Variants in MYG1 observed in about 807,000 individuals in gnomAD.
MYG1 encodes UPF0160 protein MYG1, mitochondrial.
MYG1 carries 36 observed loss-of-function variants against 43.5 expected under a neutral mutation model. That is an observed-to-expected ratio of 0.83 (90% CI 0.63 to 1.09). MYG1 has a LOEUF of 1.09. MYG1 is among the 50% of genes least tolerant of loss of function. The pLI, the probability that MYG1 is intolerant of heterozygous loss-of-function variation, is 0.00. For missense variants in MYG1, 529 were observed against 495.1 expected, an observed-to-expected ratio of 1.07 and a Z score of -0.65; for synonymous variants, 220 against 202.8, an observed-to-expected ratio of 1.08 and a Z score of -0.72.
chr12:53,299,812 G>T lies in MYG1; in HGVS notation c.75G>T (p.Met25Ile), dbSNP rs1440104600. 1 of 1,614,144 alleles carries T rather than the reference G, an allele frequency of 6.2e-7. No homozygotes were observed. Among genetic ancestry groups the T allele is most frequent in the Non-Finnish European group, 8.5e-7 (1 of 1,180,006 alleles). The change falls in exon 1 of 7, where the codon ATG becomes ATT. Residue 25 changes from methionine to isoleucine, a missense_variant. Met to Ile is a conservative substitution (Grantham distance 10). Transcript: ENST00000267103. ...CACCCCTGTATACCCGGCACCGCAT[G>T]CTCGGTCCAGAGTCCGTCCCGCCCC... ...PPPPLYTRHRMLGPESVPPPK... is the reference protein window; with the variant it reads ...PPPPLYTRHRILGPESVPPPK...
chr12:53,302,474 TCTC>T (rs1359200549), intron 2 of MYG1, among the ~76,000 whole-genome samples: 5 of 152,200 alleles, frequency 3.3e-5, no homozygotes, highest in South Asian at 2.1e-4. Flanking sequence ...TTGCAGGTAA[TCTC>T]CTTGCATCTG....
At chr12:53,299,985 C>A (rs1309644363) in intron 1 of MYG1, 32 bp downstream of exon 1, 2 of 1,611,078 alleles carry the variant, frequency 1.2e-6, no homozygotes, top group African/African-American at 1.3e-5. Flanking sequence ...CCTGGGACTG[C>A]GTGCATGCAT....
rs1361957225 is a variant in MYG1 at position 53,305,118 on chromosome 12, TC to T, written c.490-789del. On this transcript the variant is annotated intron_variant, in intron 3 of 6. Transcript: ENST00000267103. ...CTCCTGACCTCGTGATCCGCCCGCC[TC>T]GGCCTCCCAAAGTGCTGGGATTACA... Among the ~76,000 whole-genome samples, 15 of 129,736 alleles carry T rather than the reference TC, an allele frequency of 1.2e-4. No individual in the cohort carries two copies. In the South Asian group the frequency reaches 1.3e-3, roughly 11 times the overall value. 85.1% of individuals were successfully genotyped at this position (129,736 alleles called of 152,430 possible). A position where few individuals can be genotyped will look rare whatever the true frequency, so the allele number is the denominator to read the frequency against.
chr12:53,303,572 G>A (rs78188704), intron 3 of MYG1: 1 of 181,102 alleles, frequency 5.5e-6, no homozygotes. Flanking sequence ...TGAAGGTTGA[G>A]GGGAGTGTAT....
chr12:53,306,107 TG>T (rs761747121), intron 4 of MYG1, 47 bp downstream of exon 4: 3 of 1,607,594 alleles, frequency 1.9e-6, no homozygotes, highest in South Asian at 2.2e-5. Flanking sequence ...GAACCTTGGG[TG>T]GGGGGAAAAT....
At chr12:53,306,556 C>T in intron 5 of MYG1, 124 bp from the exon 6 acceptor site, 1 of 1,155,396 alleles carries the variant, frequency 8.7e-7, no homozygotes, top group South Asian at 1.5e-5. Flanking sequence ...GTTGCCTAGG[C>T]TAGTCTCAAA....
At chr12:53,306,151 T>C (rs555818135) in intron 4 of MYG1, 47 bp from the exon 5 acceptor site, 1 of 1,613,060 alleles carries the variant, frequency 6.2e-7, no homozygotes, top group East Asian at 2.2e-5. Flanking sequence ...CCCTAGCAAA[T>C]TCCAAGTTTG....
chr12:53,300,091 A>C (rs1944214200), intron 1 of MYG1, 59 bp from the exon 2 acceptor site: 8 of 1,532,056 alleles, frequency 5.2e-6, no homozygotes, highest in Non-Finnish European at 7.1e-6. Context: ...CCTGAAGTCC[A>C]GCATTAATCC....
At position 53,299,748 on chromosome 12, in the gene MYG1, A is replaced by C; in HGVS notation, c.11A>C (p.Gln4Pro). The C allele has an allele frequency of 6.2e-7, 1 of 1,613,032 alleles. No individual in the cohort carries two copies. The highest frequency in any genetic ancestry group is 8.5e-7 in the Non-Finnish European group (1 of 1,179,708). MGH[Q>P]FLRGLLTLLL... is the part of the protein sequence containing the mutation. Reference sequence around the variant, plus strand: ...TGCAGGGAGCTGCTTATGGGACACCAATTCCTGCGCGGCCTCTTAACGCTG... The same window carrying C: ...TGCAGGGAGCTGCTTATGGGACACCCATTCCTGCGCGGCCTCTTAACGCTG... Residue 4 changes from glutamine to proline, a missense_variant, in exon 1 of 7, where the codon CAA becomes CCA. By Grantham distance (76) the Gln-to-Pro change is moderately conservative. Coordinates refer to ENST00000267103, the MANE Select transcript of MYG1 (RefSeq NM_021640.4).
chr12:53,300,664 ACACCCTTCCAAAGGGAAATCCT>A (rs1457076717), intron 2 of MYG1, among the ~76,000 whole-genome samples: 1 of 152,152 alleles, frequency 6.6e-6, no homozygotes, highest in Non-Finnish European at 1.5e-5. Context: ...TACTTCATTT[ACACCCTTCCAAAGGGAAATCCT>A]TCTTGCTCAA....
At position 53,299,730 on chromosome 12, in the gene MYG1, A is replaced by G; in HGVS notation, c.-8A>G. The G allele has an allele frequency of 1.2e-6, 2 of 1,609,302 alleles. No homozygotes were observed. Among genetic ancestry groups the G allele is most frequent in the Admixed American group, 1.7e-5 (1 of 59,548 alleles). ...TCGGCGCTCCTGCCTCCCTGCAGGG[A>G]GCTGCTTATGGGACACCAATTCCTG... On this transcript the variant is annotated 5_prime_UTR_variant, in exon 1 of 7. Coordinates refer to ENST00000267103, the MANE Select transcript of MYG1 (RefSeq NM_021640.4).
chr12:53,305,905 T>C lies in MYG1; in HGVS notation c.490-3T>C, dbSNP rs897428002. The C allele has an allele frequency of 2.5e-6, 4 of 1,594,064 alleles. No individual in the cohort carries two copies. The highest frequency in any genetic ancestry group is 3.4e-6 in the Non-Finnish European group (4 of 1,171,988). ...AAGAAGGTTTCCCCTGCTGCTGCCT[T>C]AGATGTATGAGAACTTTGTGGAGGA... On this transcript the variant is annotated splice_region_variant and splice_polypyrimidine_tract_variant and intron_variant, in intron 3 of 6. Transcript: ENST00000267103.
At chr12:53,305,443 G>A (rs995813327) in intron 3 of MYG1, among the ~76,000 whole-genome samples, 1 of 152,088 alleles carries the variant, frequency 6.6e-6, no homozygotes, top group African/African-American at 2.4e-5. Context: ...ACCAGCTTTT[G>A]GTGTCTAGTC....
In MYG1 at chr12:53,307,148, A is replaced by T. The variant is rs759360910; in HGVS notation, c.1130A>T (p.Ter377LeuextTer?). Residue 377 changes from the stop codon to leucine, a stop_lost, in exon 7 of 7, where the codon TAG (stop) becomes TTG (leucine). Transcript: ENST00000267103. ...CGCTCATACCTCCCACAAATCTCCT[A>T]GTCTAATAAAACCTTCCATCTCATA... ...AQRSYLPQIS* is the reference protein window; with the variant it reads ...AQRSYLPQISL The T allele has an allele frequency of 6.2e-7, 1 of 1,606,116 alleles. No individual in the cohort carries two copies. Among genetic ancestry groups the T allele is most frequent in the African/African-American group, 1.3e-5 (1 of 74,884 alleles).
In MYG1 at chr12:53,300,207, G is replaced by T. The variant is rs763330361; in HGVS notation, c.274G>T (p.Val92Leu). The T allele has an allele frequency of 6.2e-7, 1 of 1,606,458 alleles. No individual in the cohort carries two copies. Residue 92 changes from valine (V) to leucine (L), a missense_variant, in exon 2 of 7, where the codon GTG becomes TTG. Val to Leu is a conservative substitution (Grantham distance 32, BLOSUM62 1). Transcript: ENST00000267103. ...PEKLASCDIV[V>L]DVGGEYDPRR... is the part of the protein sequence containing the mutation. ...AAAACTCGCTTCCTGTGACATCGTG[G>T]TGGACGTGGGGGGCGAGTACGACCC...
Position 53,306,534 on chromosome 12 carries a change from G to A in MYG1, c.766-146G>A, listed in dbSNP as rs192168389. ...AATTTTTGTATTTTTTGTAGAGACA[G>A]GGTCTTACTTTGTTGCCTAGGCTAG... is the stretch of plus-strand genomic sequence containing the variant. On this transcript the variant is annotated intron_variant, in intron 5 of 6. Coordinates refer to ENST00000267103, the MANE Select transcript of MYG1 (RefSeq NM_021640.4). 1.1e-5 allele frequency: 12 copies of A among 1,081,948 alleles called. No individual in the cohort carries two copies. The African/African-American group carries it at 1.7e-4, about 16-fold the overall frequency. The allele number at this position is 1,081,948 out of a possible 1,614,324, so 67.0% of individuals were successfully genotyped here.
intron 2 of MYG1, among the ~76,000 whole-genome samples, chr12:53,301,817 T>C (rs569679232): frequency 1.3e-5 from 2 of 151,854 alleles, no homozygotes; most frequent in East Asian, 3.9e-4. Context: ...GCCTCCCAAG[T>C]AGCTGAGACT....
In MYG1 at chr12:53,306,262, AAC is replaced by A. The variant is rs769630129; in HGVS notation, c.711_712del (p.His237GlnfsTer59). The A allele has an allele frequency of 6.2e-7, 1 of 1,614,246 alleles. No homozygotes were observed. Among genetic ancestry groups the A allele is most frequent in the South Asian group, 1.1e-5 (1 of 91,088 alleles). On this transcript the variant is annotated frameshift_variant, in exon 5 of 7. Coordinates refer to ENST00000267103, the MANE Select transcript of MYG1 (RefSeq NM_021640.4). LOFTEE classifies it high-confidence loss of function. The stretch of plus-strand genomic sequence containing the variant: ...TTTCTGCAGAGATTAGATTTCTACC[AAC>A]ACAGCTGGCTGCCAGCCCGGGCCTT...
In MYG1 at chr12:53,306,003, G is replaced by T; in HGVS notation, c.585G>T (p.Leu195=). The change falls in exon 4 of 7, where the codon CTG becomes CTT. Residue 195 remains leucine (L), a synonymous_variant. Coordinates refer to ENST00000267103, the MANE Select transcript of MYG1 (RefSeq NM_021640.4). ...CTCGATATGCACTGACCACTACCCT[G>T]AGTGCACGAGTTGCTCGACTTAATC... ...GEPRYALTTT[L]SARVARLNPT... 1 of 1,614,156 alleles carries T rather than the reference G, an allele frequency of 6.2e-7. No homozygotes were observed. The highest frequency in any genetic ancestry group is 8.5e-7 in the Non-Finnish European group (1 of 1,180,026).
Sources: gnomAD v4.1 joint callset for allele counts (sites outside exome capture counted in the v4.1 genomes callset) on GRCh38, gnomAD v4.1.1 for gene constraint, MANE v1.5 for transcripts, NCBI Gene and HGNC (gene_info 2026-07-23, HGNC 2026-07-21) for gene names.